Variants in TNFRSF10B observed in about 807,000 individuals in gnomAD.
TNFRSF10B encodes the protein TNF receptor superfamily member 10b.
A neutral mutation model predicts 41.4 loss-of-function variants in TNFRSF10B; 35 were observed. The observed-to-expected ratio is 0.85, with a 90% confidence interval of 0.65 to 1.12. The LOEUF (loss-of-function observed/expected upper bound fraction) is 1.12, where lower values mean the gene tolerates loss of function less well. TNFRSF10B is among the 50% of genes most tolerant of loss of function. TNFRSF10B has a pLI of 0.00. For missense variants in TNFRSF10B, 584 were observed against 552.7 expected (o/e 1.06, Z -0.57); for synonymous variants, 230 against 215.5 (o/e 1.07, Z -0.59).
At chr8:23,029,472 G>T in intron 4 of TNFRSF10B, 138 bp downstream of exon 4, 1 of 799,584 alleles carries the variant, frequency 1.3e-6, no homozygotes, top group Non-Finnish European at 2.1e-6. Flanking sequence ...GTGGTGACAC[G>T]CAGAGGGACC....
Position 23,022,243 on chromosome 8 carries a change from G to A in TNFRSF10B, c.*428C>T. On this transcript the variant is annotated 3_prime_UTR_variant, in exon 9 of 9. Coordinates refer to ENST00000276431, the MANE Select transcript of TNFRSF10B (RefSeq NM_003842.5). Reference sequence around the variant, plus strand: ...CCATTGCACTCCAGCCTGGGAGACAGAGTGAACTGCCCCGCACCCCCCACC... The same window carrying A: ...CCATTGCACTCCAGCCTGGGAGACAAAGTGAACTGCCCCGCACCCCCCACC... The A allele has an allele frequency of 4.4e-6, 2 of 453,646 alleles. No individual in the cohort carries two copies. The highest frequency in any genetic ancestry group is 8.8e-6 in the Non-Finnish European group (2 of 226,396). 28.1% of individuals were successfully genotyped at this position (453,646 alleles called of 1,614,324 possible).
At chr8:23,024,949 C>A (rs1811658092) in intron 7 of TNFRSF10B, among the ~76,000 whole-genome samples, 2 of 152,014 alleles carry the variant, frequency 1.3e-5, no homozygotes, top group Admixed American at 1.3e-4. Context: ...TGAGACCAGC[C>A]TAGGCGACAT....
intron 1 of TNFRSF10B, among the ~76,000 whole-genome samples, chr8:23,055,978 C>T (rs1018459371): frequency 3.3e-5 from 5 of 152,152 alleles, no homozygotes; most frequent in African/African-American, 9.7e-5. Flanking sequence ...CGATAATTTC[C>T]AGGCCTTCTC....
intron 1 of TNFRSF10B, among the ~76,000 whole-genome samples, chr8:23,046,821 T>C (rs1207584786): frequency 3.9e-5 from 6 of 152,266 alleles, no homozygotes; most frequent in Admixed American, 2.6e-4. Context: ...GGTCAATTGA[T>C]TTTTGCCAAA....
chr8:23,040,590 G>T (rs1812164632), intron 2 of TNFRSF10B, among the ~76,000 whole-genome samples: 3 of 150,622 alleles, frequency 2.0e-5, no homozygotes. Flanking sequence ...GATAAGGGAG[G>T]AACAAAATAT....
intron 3 of TNFRSF10B, among the ~76,000 whole-genome samples, 191 bp downstream of exon 3, chr8:23,030,568 A>T (rs1415783606): frequency 6.6e-6 from 1 of 151,954 alleles, no homozygotes; most frequent in Non-Finnish European, 1.5e-5. Context: ...CAAAGTGTTG[A>T]GATTACAGGC....
At chr8:23,045,013 G>A (rs28814926) in intron 1 of TNFRSF10B, among the ~76,000 whole-genome samples, 25,685 of 146,684 alleles carry the variant, frequency 0.18, 4,602 homozygotes, top group African/African-American at 0.47. Flanking sequence ...GCCAGGAGTT[G>A]GAGACCAGCC....
chr8:23,040,731 A>G (rs1038702524), intron 2 of TNFRSF10B, among the ~76,000 whole-genome samples: 12 of 152,088 alleles, frequency 7.9e-5, no homozygotes, highest in Admixed American at 3.3e-4. Context: ...GTAAAAACAA[A>G]CGCAAAAAAT....
In TNFRSF10B at chr8:23,069,004, G is replaced by A. The variant is rs764679184; in HGVS notation, c.-110C>T. The A allele has an allele frequency of 5.8e-6, 9 of 1,553,328 alleles. No individual in the cohort carries two copies. Among genetic ancestry groups the A allele is most frequent in the African/African-American group, 4.1e-5 (3 of 73,840 alleles). The stretch of plus-strand genomic sequence containing the variant: ...GGCGCAGAGATTGCGGGGTTCTCCG[G>A]CCGCGTGCTGATTTATGTGTCCAGG... On this transcript the variant is annotated 5_prime_UTR_variant, in exon 1 of 9. Coordinates refer to ENST00000276431, the MANE Select transcript of TNFRSF10B (RefSeq NM_003842.5).
chr8:23,060,110 G>A (rs118099239), intron 1 of TNFRSF10B, among the ~76,000 whole-genome samples: 1 of 151,994 alleles, frequency 6.6e-6, no homozygotes, highest in Non-Finnish European at 1.5e-5. Flanking sequence ...CCAGTTAATA[G>A]TATCTTTTGA....
At chr8:23,063,150 C>T (rs1287154916) in intron 1 of TNFRSF10B, among the ~76,000 whole-genome samples, 4 of 152,152 alleles carry the variant, frequency 2.6e-5, no homozygotes, top group Non-Finnish European at 4.4e-5. Context: ...TAGTTTGAGA[C>T]TGGCCTGGCC....
At position 23,027,155 on chromosome 8, in the gene TNFRSF10B, G is replaced by A; in HGVS notation, c.914C>T (p.Pro305Leu). 1.2e-6 allele frequency: 2 copies of A among 1,614,118 alleles called. No homozygotes were observed. Among genetic ancestry groups the A allele is most frequent in the Non-Finnish European group, 1.7e-6 (2 of 1,180,018 alleles). The change falls in exon 7 of 9, where the codon CCC becomes CTC. Residue 305 changes from proline to leucine, a missense_variant. Transcript: ENST00000276431. The part of the protein sequence containing the change: ...AEPTGVNMLS[P>L]GESEHLLEPA... ...CACCAGCAGATGCTCTGACTCCCCG[G>A]GGGACAACATGTTGACACCTGTTGG... is the stretch of plus-strand genomic sequence containing the variant.
chr8:23,041,352 C>T (rs781083930), intron 2 of TNFRSF10B, among the ~76,000 whole-genome samples: 8 of 151,390 alleles, frequency 5.3e-5, no homozygotes, highest in South Asian at 2.1e-4. Context: ...TCACTGCGCC[C>T]GGCGTTATAT....
In TNFRSF10B at chr8:23,043,228, C is replaced by A; in HGVS notation, c.160G>T (p.Ala54Ser). ...AVLLLVSAES[A>S]LITQQDLAPQ... ...GCTAGGTCTTGTTGGGTGATCAGAG[C>A]AGACTCAGCTGAGACCTGTGGGGAC... is the stretch of plus-strand genomic sequence containing the variant. The change falls in exon 2 of 9, where the codon GCT becomes TCT. Residue 54 changes from alanine (A) to serine (S), a missense_variant. Physicochemically the swap from Ala to Ser is moderately conservative, Grantham distance 99. Transcript: ENST00000276431. 6.2e-7 allele frequency: 1 copy of A among 1,614,104 alleles called. No homozygotes were observed. Among genetic ancestry groups the A allele is most frequent in the Non-Finnish European group, 8.5e-7 (1 of 1,180,012 alleles).
intron 7 of TNFRSF10B, among the ~76,000 whole-genome samples, chr8:23,026,656 T>G (rs1176485706): frequency 6.6e-6 from 1 of 152,236 alleles, no homozygotes; most frequent in Non-Finnish European, 1.5e-5. Context: ...TGGATTGATA[T>G]GAACTGATTG....
At chr8:23,052,675 C>A (rs11135691) in intron 1 of TNFRSF10B, among the ~76,000 whole-genome samples, 84,684 of 152,054 alleles carry the variant, frequency 0.56, 24,501 homozygotes, top group East Asian at 0.85. Flanking sequence ...GAGAGATATA[C>A]AGAAAGTTAT....
chr8:23,064,783 A>G (rs1812934721), intron 1 of TNFRSF10B, among the ~76,000 whole-genome samples: 1 of 152,250 alleles, frequency 6.6e-6, no homozygotes. Flanking sequence ...AAAACTGCCC[A>G]GGATAATCAC....
chr8:23,037,941 C>T (rs1563312677), intron 2 of TNFRSF10B, among the ~76,000 whole-genome samples: 1 of 152,160 alleles, frequency 6.6e-6, no homozygotes, highest in Non-Finnish European at 1.5e-5. Context: ...TTTGCTAGAG[C>T]TCTGAGTTTC....
chr8:23,031,496 C>T (rs1395344437), intron 2 of TNFRSF10B, among the ~76,000 whole-genome samples: 1 of 151,972 alleles, frequency 6.6e-6, no homozygotes, highest in Non-Finnish European at 1.5e-5. Context: ...CGGACCCTCC[C>T]TCTCCCCCCG....
Sources: allele counts gnomAD v4.1 joint callset (sites outside exome capture counted in the v4.1 genomes callset), GRCh38; gene constraint gnomAD v4.1.1; transcripts MANE v1.5; gene names NCBI Gene and HGNC (gene_info 2026-07-23, HGNC 2026-07-21).